The following PPM1B variants were observed in gnomAD, a reference collection of about 807,000 sequenced individuals.
PPM1B encodes the protein protein phosphatase 1B.
A neutral mutation model predicts 43.0 loss-of-function variants in PPM1B; 22 were observed. That is an observed-to-expected ratio of 0.51 (90% confidence interval 0.37 to 0.73). The LOEUF (loss-of-function observed/expected upper bound fraction) is 0.73. PPM1B is among the 30% of genes least tolerant of loss of function. The probability of loss-of-function intolerance (pLI) is 0.00; values close to 1 mark genes in which losing one functional copy is unlikely to be tolerated. For synonymous variants in PPM1B, 217 were observed against 197.9 expected (o/e 1.10, Z -0.81); for missense variants, 632 against 584.2 (o/e 1.08, Z -0.84).
At chr2:44,226,735 C>CTTTTTTTT (rs60750702) in intron 5 of PPM1B, among the ~76,000 whole-genome samples, 62 of 66,670 alleles carry the variant, frequency 9.3e-4, no homozygotes, top group Non-Finnish European at 1.1e-3. Flanking sequence ...AGGTTTTTAT[C>CTTTTTTTT]TTTTTTTTTT....
downstream of PPM1B, chr2:44,244,445 G>C (rs1670814545): frequency 9.4e-7 from 1 of 1,061,690 alleles, no homozygotes; most frequent in South Asian, 2.1e-5. Context: ...GAGAAGGACT[G>C]TCACTGTGCC....
chr2:44,234,189 C>G, downstream of PPM1B: 5 of 982,994 alleles, frequency 5.1e-6, no homozygotes, highest in Non-Finnish European at 4.8e-6. Flanking sequence ...AATATTAACC[C>G]CTTCTGTACT....
intron 2 of PPM1B, among the ~76,000 whole-genome samples, chr2:44,205,974 C>A (rs1669171932): frequency 6.6e-6 from 1 of 152,124 alleles, no homozygotes; most frequent in Non-Finnish European, 1.5e-5. Flanking sequence ...TGAGATCGCG[C>A]CATTGCACTC....
chr2:44,235,791 T>TTATTACA (rs1183587841), downstream of PPM1B, among the ~76,000 whole-genome samples: 3 of 151,248 alleles, frequency 2.0e-5, no homozygotes, highest in Admixed American at 2.0e-4. Context: ...CCCAGCTAGT[T>TTATTACA]GGGAAACTGA....
In PPM1B at chr2:44,201,884, A is replaced by C; in HGVS notation, c.685A>C (p.Ile229Leu). 6.2e-7 allele frequency: 1 copy of C among 1,614,172 alleles called. No individual in the cohort carries two copies. The highest frequency in any genetic ancestry group is 8.5e-7 in the Non-Finnish European group (1 of 1,180,024). Residue 229 changes from isoleucine to leucine, a missense_variant, in exon 2 of 6, where the codon ATT becomes CTT. Ile to Leu is a conservative substitution (Grantham distance 5, BLOSUM62 2). This residue lies in a region of PPM1B where 392 missense variants were observed against 302.7 expected (regional missense o/e 1.29). Coordinates refer to ENST00000282412, the MANE Select transcript of PPM1B (RefSeq NM_002706.6). The surrounding 1 kb of genome is among the most constrained non-coding windows in gnomAD (Gnocchi z 5.4). ...LVSPEPEVYE[I>L]LRAEEDEFII... ...TTCTCCAGAGCCTGAGGTTTATGAAATTTTAAGAGCAGAAGAGGATGAATT... is the reference window on the plus strand; with the variant it reads ...TTCTCCAGAGCCTGAGGTTTATGAACTTTTAAGAGCAGAAGAGGATGAATT...
chr2:44,173,254 T>G (rs540488382), intron 1 of PPM1B, among the ~76,000 whole-genome samples: 1 of 152,372 alleles, frequency 6.6e-6, no homozygotes, highest in African/African-American at 2.4e-5. Context: ...CTTGATGATG[T>G]TACAAAATTT....
intron 1 of PPM1B, among the ~76,000 whole-genome samples, chr2:44,182,391 C>G (rs1409232117): frequency 6.6e-6 from 1 of 152,078 alleles, no homozygotes; most frequent in African/African-American, 2.4e-5. Context: ...TCCTGAGTAG[C>G]TGGGATTACA....
In PPM1B at chr2:44,230,472, A is replaced by T. The variant is rs139736600; in HGVS notation, c.1194A>T (p.Gln398His). Residue 398 changes from glutamine to histidine, a missense_variant, in exon 6 of 6, where the codon CAA becomes CAT. By Grantham distance (24) the Gln-to-His change is conservative. Coordinates refer to ENST00000282412, the MANE Select transcript of PPM1B (RefSeq NM_002706.6). Reference protein sequence around the residue: ...SQGKLVEALRQMRINHRGNYR... With the variant: ...SQGKLVEALRHMRINHRGNYR... ...GAAAATTGGTGGAAGCTCTCAGGCA[A>T]ATGAGAATTAATCATAGGGGAAACT... 116 of 1,614,096 alleles carry T rather than the reference A, an allele frequency of 7.2e-5. No homozygotes were observed. The highest frequency in any genetic ancestry group is 8.7e-5 in the Non-Finnish European group (103 of 1,180,032).
chr2:44,230,985 C>G lies in PPM1B; in HGVS notation c.*267C>G. 9.5e-7 allele frequency: 1 copy of G among 1,049,000 alleles called. No homozygotes were observed. Among genetic ancestry groups the G allele is most frequent in the Non-Finnish European group, 1.2e-6 (1 of 853,658 alleles). The allele number at this position is 1,049,000 out of a possible 1,614,324, so 65.0% of individuals were successfully genotyped here. A position where few individuals can be genotyped will look rare whatever the true frequency, so the allele number is the denominator to read the frequency against. On this transcript the variant is annotated 3_prime_UTR_variant, in exon 6 of 6. Coordinates refer to ENST00000282412, the MANE Select transcript of PPM1B (RefSeq NM_002706.6). The stretch of plus-strand genomic sequence containing the variant: ...TAGGCTACCAATTATGAATTAAAGT[C>G]AGTAGTTAAATTAATACTAGATAGA...
chr2:44,168,877 A>C lies in PPM1B; in HGVS notation c.-412A>C, dbSNP rs1299085966. ...GACTAGGGTGCGGGGAGGGGGTTGC[A>C]AAAGGAGCCGAGCGGCTTCTGCTCA... On this transcript the variant is annotated 5_prime_UTR_variant, in exon 1 of 6. Transcript: ENST00000282412. The C allele has an allele frequency of 2.0e-5, 3 of 152,888 alleles. No individual in the cohort carries two copies. The Admixed American group carries it at 2.0e-4, about 10-fold the overall frequency. 9.5% of individuals were successfully genotyped at this position (152,888 alleles called of 1,614,324 possible).
intron 1 of PPM1B, among the ~76,000 whole-genome samples, chr2:44,192,190 G>GGTGTT (rs1553329838): frequency 7.0e-6 from 1 of 143,542 alleles, no homozygotes; most frequent in African/African-American, 2.6e-5. Flanking sequence ...GTTATGTTAT[G>GGTGTT]GTATTGTATT....
In PPM1B at chr2:44,170,097, A is replaced by G. The variant is rs555898810; in HGVS notation, c.-15+823A>G. ...GACTCAGTGAGTGTTGGAAATAGTT[A>G]TTTCTTCATTTTTTAAACTTGCATG... On this transcript the variant is annotated intron_variant, in intron 1 of 5. Coordinates refer to ENST00000282412, the MANE Select transcript of PPM1B (RefSeq NM_002706.6). Among the ~76,000 whole-genome samples, 10 of 152,298 alleles carry G rather than the reference A, an allele frequency of 6.6e-5. No homozygotes were observed. In the East Asian group the frequency reaches 1.9e-3, roughly 29 times the overall value.
At chr2:44,227,518 C>CT (rs397964846) in intron 5 of PPM1B, among the ~76,000 whole-genome samples, 2,194 of 138,920 alleles carry the variant, frequency 0.016, 43 homozygotes, top group African/African-American at 0.043. Flanking sequence ...ACAGTATCAT[C>CT]TTTTTTTTTT....
intron 1 of PPM1B, among the ~76,000 whole-genome samples, chr2:44,194,779 A>T (rs988104559): frequency 1.3e-5 from 2 of 152,086 alleles, no homozygotes; most frequent in Non-Finnish European, 2.9e-5. Context: ...ATGCAAATTT[A>T]TAGTTTATAT....
At chr2:44,217,399 C>CAA (rs1271175043) in intron 3 of PPM1B, among the ~76,000 whole-genome samples, 10 of 89,994 alleles carry the variant, frequency 1.1e-4, no homozygotes, top group South Asian at 3.3e-4. Flanking sequence ...AACTCCGTCT[C>CAA]AAAAAAAAAA....
chr2:44,238,691 G>T (rs989143893), downstream of PPM1B, among the ~76,000 whole-genome samples: 7 of 151,314 alleles, frequency 4.6e-5, no homozygotes, highest in African/African-American at 1.5e-4. Context: ...GACAGAGCGA[G>T]AATCTGTCTC....
At chr2:44,217,483 C>A (rs1440736708) in intron 3 of PPM1B, among the ~76,000 whole-genome samples, 1 of 150,012 alleles carries the variant, frequency 6.7e-6, no homozygotes, top group African/African-American at 2.4e-5. Flanking sequence ...TCCCCTTTTT[C>A]TTATAATTCT....
At chr2:44,246,176 A>G (rs888827090), downstream of PPM1B, among the ~76,000 whole-genome samples, 41 of 152,168 alleles carry the variant, frequency 2.7e-4, no homozygotes, top group African/African-American at 9.9e-4. Flanking sequence ...CTGAACATTT[A>G]TGGGTAGCAG....
chr2:44,243,084 C>T (rs1353340740), intron 5 of PPM1B, among the ~76,000 whole-genome samples: 1 of 152,136 alleles, frequency 6.6e-6, no homozygotes, highest in Non-Finnish European at 1.5e-5. Context: ...CATCATGCAA[C>T]TTCTGAGCTT....
Sources: allele counts gnomAD v4.1 joint callset (sites outside exome capture counted in the v4.1 genomes callset), GRCh38; gene constraint gnomAD v4.1.1; regional missense constraint gnomAD v4.1.1; non-coding constraint Gnocchi (gnomAD v3.1); transcripts MANE v1.5; gene names NCBI Gene and HGNC (gene_info 2026-07-23, HGNC 2026-07-21).